Variants in MINK1 observed in about 807,000 individuals in gnomAD.
The protein encoded by MINK1 is misshapen like kinase 1.
MINK1 carries 46 observed loss-of-function variants against 178.4 expected under a neutral mutation model. That is an observed-to-expected ratio of 0.26 (90% CI 0.20 to 0.33). The LOEUF (loss-of-function observed/expected upper bound fraction) is 0.33, where lower values mean the gene tolerates loss of function less well. Ranked by LOEUF, MINK1 falls within the 10% of genes least tolerant of loss-of-function variation. MINK1 has a pLI of 1.00. For synonymous variants in MINK1, 797 were observed against 709.7 expected, an observed-to-expected ratio of 1.12 and a Z score of -1.96; for missense variants, 1,366 against 1,814.9, an observed-to-expected ratio of 0.75 and a Z score of 4.49.
In MINK1 at chr17:4,895,070, G is replaced by A; in HGVS notation, c.2918-5G>A. 1.2e-6 allele frequency: 2 copies of A among 1,613,154 alleles called. No individual in the cohort carries two copies. Among genetic ancestry groups the A allele is most frequent in the South Asian group, 1.1e-5 (1 of 91,072 alleles). ...CCTCCTCCCACCTCCTCCTCCTTCT[G>A]GCAGCCCTAGTGGGTGGAGAGGGCA... On this transcript the variant is annotated splice_polypyrimidine_tract_variant and splice_region_variant and intron_variant, in intron 24 of 31. Coordinates refer to ENST00000355280, the MANE Select transcript of MINK1 (RefSeq NM_153827.5). This position sits in a 1 kb window ranked among gnomAD's most constrained non-coding sequence, Gnocchi z 4.3.
At chr17:4,842,222 C>A (rs374347409) in intron 1 of MINK1, among the ~76,000 whole-genome samples, 1,410 of 126,706 alleles carry the variant, frequency 0.011, no homozygotes, top group East Asian at 0.016. Flanking sequence ...AGACTCTGTC[C>A]AAAAAAAAAA....
intron 1 of MINK1, chr17:4,856,972 C>A (rs1043818387): frequency 5.8e-6 from 1 of 172,126 alleles, no homozygotes; most frequent in South Asian, 1.5e-4. Flanking sequence ...AGAATGAGCA[C>A]CTTGGCAAAG....
intron 12 of MINK1, among the ~76,000 whole-genome samples, chr17:4,888,660 C>T (rs1309867399): frequency 6.7e-6 from 1 of 149,078 alleles, no homozygotes; most frequent in Admixed American, 6.7e-5. Flanking sequence ...ATAAATATAG[C>T]GTTCAGATAG....
At chr17:4,875,350 C>T (rs912247046) in intron 1 of MINK1, among the ~76,000 whole-genome samples, 12 of 152,090 alleles carry the variant, frequency 7.9e-5, no homozygotes, top group Non-Finnish European at 1.5e-4. Context: ...TGGGTCATGC[C>T]TATAATATTA....
intron 1 of MINK1, chr17:4,875,108 C>T (rs377264152): frequency 5.0e-5 from 26 of 520,082 alleles, no homozygotes; most frequent in African/African-American, 7.7e-5. Context: ...TCAGTTCAGA[C>T]GCCCCGGAAT....
rs2151077381 is a variant in MINK1, at chr17:4,896,172, C to G, written c.3466-21C>G. The G allele has an allele frequency of 6.2e-7, 1 of 1,600,914 alleles. No homozygotes were observed. The highest frequency in any genetic ancestry group is 8.5e-7 in the Non-Finnish European group (1 of 1,172,902). On this transcript the variant is annotated intron_variant, in intron 28 of 31. Coordinates refer to ENST00000355280, the MANE Select transcript of MINK1 (RefSeq NM_153827.5). The surrounding 1 kb of genome is among the most constrained non-coding windows in gnomAD (Gnocchi z 4.6). ...CCTCTCCCCGTGCCCCTGAGCCCTC[C>G]TCTCCTCCGGTTCTCTGCAGTCCTT...
intron 20 of MINK1, 174 bp from the exon 21 acceptor site, chr17:4,893,260 C>T (rs371589040): frequency 1.3e-4 from 213 of 1,612,282 alleles, no homozygotes; most frequent in Middle Eastern, 6.6e-4. Context: ...TCTTCTGGCT[C>T]TTTCTTCCCC....
At chr17:4,841,945 G>A (rs1910287282) in intron 1 of MINK1, among the ~76,000 whole-genome samples, 1 of 152,180 alleles carries the variant, frequency 6.6e-6, no homozygotes, top group East Asian at 1.9e-4. Context: ...GGGAGCACCG[G>A]GCACGGTGGC....
At chr17:4,857,470 T>TG (rs1481520667) in intron 1 of MINK1, 34 of 143,134 alleles carry the variant, frequency 2.4e-4, no homozygotes, top group African/African-American at 8.4e-4. Flanking sequence ...TTTTTTTTTT[T>TG]TTTTTTTTTT....
chr17:4,875,927 C>T (rs893204037), intron 1 of MINK1, among the ~76,000 whole-genome samples: 2 of 151,220 alleles, frequency 1.3e-5, no homozygotes, highest in African/African-American at 4.9e-5. Context: ...TCCCGAGTAG[C>T]TGTGAATATA....
At position 4,892,747 on chromosome 17, in the gene MINK1, C is replaced by A; in HGVS notation, c.2290C>A (p.Leu764Met). ...SHGHLPQAGS[L>M]ERNRVGVSSK... ...CGGGCACCTCCCCCAGGCTGGCTCACTGGAGCGGAACCGCGTGGGAGGTAT... is the reference window on the plus strand; with the variant it reads ...CGGGCACCTCCCCCAGGCTGGCTCAATGGAGCGGAACCGCGTGGGAGGTAT... Residue 764 changes from leucine (L) to methionine (M), a missense_variant, in exon 19 of 32, where the codon CTG (leucine) becomes ATG (methionine). By Grantham distance (15) the Leu-to-Met change is conservative. This residue lies in a region of MINK1 where 709 missense variants were observed against 692.3 expected (regional missense o/e 1.02). Coordinates refer to ENST00000355280, the MANE Select transcript of MINK1 (RefSeq NM_153827.5). 6.2e-7 allele frequency: 1 copy of A among 1,611,070 alleles called. No homozygotes were observed. Among genetic ancestry groups the A allele is most frequent in the Non-Finnish European group, 8.5e-7 (1 of 1,179,062 alleles).
Position 4,896,896 on chromosome 17 carries a change from T to C in MINK1, c.3915+83T>C. 2.7e-6 allele frequency: 4 copies of C among 1,470,220 alleles called. No individual in the cohort carries two copies. The highest frequency in any genetic ancestry group is 3.6e-6 in the Non-Finnish European group (4 of 1,109,918). 91.1% of individuals were successfully genotyped at this position (1,470,220 alleles called of 1,614,324 possible). On this transcript the variant is annotated intron_variant, in intron 31 of 31. Coordinates refer to ENST00000355280, the MANE Select transcript of MINK1 (RefSeq NM_153827.5). This position sits in a 1 kb window ranked among gnomAD's most constrained non-coding sequence, Gnocchi z 4.6. ...CCTGGGCAGAGTTCTGGGGAGAGGA[T>C]GGTGGTGGTGGCTTCCTGAAAGCGG...
intron 1 of MINK1, among the ~76,000 whole-genome samples, chr17:4,876,106 T>C (rs1967163464): frequency 6.6e-6 from 1 of 152,060 alleles, no homozygotes; most frequent in South Asian, 2.1e-4. Flanking sequence ...AGATTTTTTT[T>C]TTCGTAACTT....
chr17:4,868,361 T>G (rs550698345), intron 1 of MINK1, among the ~76,000 whole-genome samples: 3 of 152,340 alleles, frequency 2.0e-5, no homozygotes, highest in Non-Finnish European at 4.4e-5. Context: ...AACCTTCTAA[T>G]GTTTCTTCTA....
chr17:4,868,279 C>T (rs570918966), intron 1 of MINK1, among the ~76,000 whole-genome samples: 5 of 152,238 alleles, frequency 3.3e-5, no homozygotes, highest in Non-Finnish European at 5.9e-5. Context: ...GCCCAACCCT[C>T]TTCTAGCTCT....
intron 20 of MINK1, 99 bp from the exon 21 acceptor site, chr17:4,893,335 G>A: frequency 1.9e-6 from 3 of 1,613,450 alleles, no homozygotes; most frequent in Non-Finnish European, 2.5e-6. Flanking sequence ...CTGCTTGTGG[G>A]AGCCCCTCCT....
chr17:4,891,892 A>G (rs1968857213), intron 16 of MINK1, among the ~76,000 whole-genome samples, 176 bp downstream of exon 16: 2 of 152,132 alleles, frequency 1.3e-5, no homozygotes, highest in Non-Finnish European at 2.9e-5. Context: ...GAGGGGTGGC[A>G]TCGATCCCTG....
At chr17:4,847,112 C>T (rs1267032576) in intron 1 of MINK1, 1 of 459,118 alleles carries the variant, frequency 2.2e-6, no homozygotes, top group South Asian at 1.5e-5. Context: ...CTCTAAAGAG[C>T]TGTCAGTGGG....
At chr17:4,838,802 A>C (rs1909686556) in intron 1 of MINK1, among the ~76,000 whole-genome samples, 1 of 152,174 alleles carries the variant, frequency 6.6e-6, no homozygotes, top group South Asian at 2.1e-4. Flanking sequence ...GTCAGTCGCC[A>C]AGCATTGGCA....
Sources: gnomAD v4.1 joint callset for allele counts (sites outside exome capture counted in the v4.1 genomes callset) on GRCh38, gnomAD v4.1.1 for gene constraint, gnomAD v4.1.1 regional missense constraint, Gnocchi (gnomAD v3.1) non-coding constraint, MANE v1.5 for transcripts, NCBI Gene and HGNC (gene_info 2026-07-23, HGNC 2026-07-21) for gene names.